Variants in HHIPL2 observed in about 807,000 individuals in gnomAD.
HHIPL2 encodes HHIP-like protein 2.
HHIPL2 carries 61 observed loss-of-function variants against 61.0 expected under a neutral mutation model. The ratio of observed to expected loss-of-function variants is 1.00; its 90% CI spans 0.81 to 1.24. The LOEUF (loss-of-function observed/expected upper bound fraction) is 1.24, where lower values mean the gene tolerates loss of function less well. HHIPL2 is among the 50% of genes most tolerant of loss of function. The pLI is 0.00. For missense variants in HHIPL2, 885 were observed against 910.2 expected (o/e 0.97, Z 0.36); for synonymous variants, 343 against 357.4 (o/e 0.96, Z 0.45).
At chr1:222,525,887 G>T (rs367899505) in intron 7 of HHIPL2, among the ~76,000 whole-genome samples, 2 of 151,910 alleles carry the variant, frequency 1.3e-5, no homozygotes, top group African/African-American at 4.8e-5. Context: ...TAATGCCAGC[G>T]ACTTGGGAGG....
At chr1:222,526,154 G>C (rs989160455) in intron 7 of HHIPL2, among the ~76,000 whole-genome samples, 1 of 152,140 alleles carries the variant, frequency 6.6e-6, no homozygotes, top group African/African-American at 2.4e-5. Flanking sequence ...TTTTGCCTGT[G>C]CTGGTGGAGG....
At chr1:222,538,260 A>ACTTCTTTTTG (rs1358256295) in intron 5 of HHIPL2, among the ~76,000 whole-genome samples, 1 of 122,846 alleles carries the variant, frequency 8.1e-6, no homozygotes, top group Non-Finnish European at 1.8e-5. Flanking sequence ...ATGTATGTCA[A>ACTTCTTTTTG]CTTCTTTTTG....
At chr1:222,532,507 G>C (rs756434454) in intron 5 of HHIPL2, among the ~76,000 whole-genome samples, 1 of 151,998 alleles carries the variant, frequency 6.6e-6, no homozygotes, top group Non-Finnish European at 1.5e-5. Context: ...CCAGCTACTC[G>C]GGAGGCTGAG....
intron 4 of HHIPL2, 110 bp from the exon 5 acceptor site, chr1:222,538,884 T>C (rs1659364658): frequency 9.1e-7 from 1 of 1,092,986 alleles, no homozygotes; most frequent in Admixed American, 2.3e-5. Context: ...AAGAACACTT[T>C]ACCTCTTGGT....
At position 222,544,236 on chromosome 1, in the gene HHIPL2, C is replaced by A. The variant is rs541510300; in HGVS notation, c.322-47G>T. 1.7e-5 allele frequency: 27 copies of A among 1,548,840 alleles called. No individual in the cohort carries two copies. The African/African-American group carries it at 2.3e-4, about 13-fold the overall frequency. On this transcript the variant is annotated intron_variant, in intron 1 of 8. Transcript: ENST00000343410. The stretch of plus-strand genomic sequence containing the variant: ...AGGCTCAGCATCAGACCTGCCACAC[C>A]GGCACTTGTCTCAAGTTTTGAGCAA...
chr1:222,538,246 G>GTGTA (rs1558130133), intron 5 of HHIPL2, among the ~76,000 whole-genome samples: 2 of 125,740 alleles, frequency 1.6e-5, no homozygotes, highest in Admixed American at 1.6e-4. Context: ...GTGTGTGTGT[G>GTGTA]TGTATGTATG....
At chr1:222,545,342 G>A (rs1334222400) in intron 1 of HHIPL2, among the ~76,000 whole-genome samples, 2 of 152,172 alleles carry the variant, frequency 1.3e-5, no homozygotes, top group Non-Finnish European at 2.9e-5. Context: ...GTATATGTGA[G>A]TTCCCTGTTC....
intron 5 of HHIPL2, among the ~76,000 whole-genome samples, chr1:222,537,920 A>T (rs1266133746): frequency 6.6e-6 from 1 of 152,262 alleles, no homozygotes; most frequent in Admixed American, 6.5e-5. Flanking sequence ...TAGCCATGTT[A>T]TTCACAATAT....
intron 3 of HHIPL2, 32 bp from the exon 4 acceptor site, chr1:222,540,373 G>A (rs1413056933): frequency 6.4e-7 from 1 of 1,558,830 alleles, no homozygotes; most frequent in East Asian, 2.3e-5. Context: ...AGCAGAATGA[G>A]GTAAGCAAGG....
chr1:222,547,971 A>G lies in HHIPL2; in HGVS notation c.74T>C (p.Leu25Pro). Reference sequence around the variant, plus strand: ...CAACAAGAATATGAGGCAGAGGCAGAGAATGCCAGAAGAGAGCCAGGGGGC... The same window carrying G: ...CAACAAGAATATGAGGCAGAGGCAGGGAATGCCAGAAGAGAGCCAGGGGGC... ...CRAPWLSSGILCLCLIFLLGQ... is the reference protein window; with the variant it reads ...CRAPWLSSGIPCLCLIFLLGQ... The change falls in exon 1 of 9, where the codon CTC (leucine) becomes CCC (proline). Residue 25 changes from leucine to proline, a missense_variant. Transcript: ENST00000343410. The G allele has an allele frequency of 6.2e-7, 1 of 1,611,696 alleles. No homozygotes were observed. The highest frequency in any genetic ancestry group is 8.5e-7 in the Non-Finnish European group (1 of 1,178,310).
In HHIPL2 at chr1:222,540,015, G is replaced by A. The variant is rs1659394432; in HGVS notation, c.1445C>T (p.Ser482Phe). The change falls in exon 4 of 9, where the codon TCT becomes TTT. Residue 482 changes from serine to phenylalanine, a missense_variant. Ser to Phe is a radical substitution (Grantham distance 155, BLOSUM62 -2). Transcript: ENST00000343410. ...CYDKKLCHNA[S>F]LDDVLPIYAY... ...CCAGAGAGCTTCTTACTTACCCAAA[G>A]AGGCATTGTGACAAAGTTTTTTGTC... 3.7e-6 allele frequency: 6 copies of A among 1,613,162 alleles called. No individual in the cohort carries two copies. The highest frequency in any genetic ancestry group is 3.3e-4 in the Middle Eastern group (2 of 6,060).
At position 222,547,784 on chromosome 1, in the gene HHIPL2, T is replaced by C. The variant is rs771820229; in HGVS notation, c.261A>G (p.Glu87=). 6.2e-7 allele frequency: 1 copy of C among 1,614,190 alleles called. No individual in the cohort carries two copies. Among genetic ancestry groups the C allele is most frequent in the South Asian group, 1.1e-5 (1 of 91,090 alleles). Residue 87 remains glutamate (E), a synonymous_variant, in exon 1 of 9, where the codon GAA becomes GAG. Coordinates refer to ENST00000343410, the MANE Select transcript of HHIPL2 (RefSeq NM_024746.4). The part of the protein sequence containing the change: ...RIAARYWDIM[E]YFDLKRHELC... The stretch of plus-strand genomic sequence containing the variant: ...GCTCATGTCTCTTCAGATCAAAATA[T>C]TCCATGATGTCCCAGTACCGGGCAG...
At chr1:222,529,160 TTTGTC>T (rs1259852894) in intron 6 of HHIPL2, among the ~76,000 whole-genome samples, 2 of 152,106 alleles carry the variant, frequency 1.3e-5, no homozygotes, top group Admixed American at 1.3e-4. Context: ...GAGACCAGCG[TTTGTC>T]TTGTGCTAAG....
Position 222,547,715 on chromosome 1 carries a change from T to A in HHIPL2, c.321+9A>T. 1 of 1,607,736 alleles carries A rather than the reference T, an allele frequency of 6.2e-7. No homozygotes were observed. The highest frequency in any genetic ancestry group is 8.5e-7 in the Non-Finnish European group (1 of 1,174,878). ...CAAACCCCTGGGGCTGGAAGGCACT[T>A]TTCACTACCTGGCAAAGGATGTCTT... On this transcript the variant is annotated intron_variant, in intron 1 of 8. Transcript: ENST00000343410.
At chr1:222,541,892 G>T in intron 3 of HHIPL2, 120 bp downstream of exon 3, 3 of 991,292 alleles carry the variant, frequency 3.0e-6, no homozygotes, top group South Asian at 2.1e-5. Flanking sequence ...TCCTCCCATT[G>T]CCTCAGTGGA....
At chr1:222,524,820 G>C (rs1659025429) in intron 7 of HHIPL2, 1 of 152,196 alleles carries the variant, frequency 6.6e-6, no homozygotes, top group Non-Finnish European at 1.5e-5. Context: ...GCTTTAAAAA[G>C]TCTATATGAT....
Position 222,547,995 on chromosome 1 carries a change from G to A in HHIPL2, c.50C>T (p.Ala17Val), listed in dbSNP as rs953754351. ...GAGAATGCCAGAAGAGAGCCAGGGGGCCCGGCAATGCAGACCACCACACAG... is the reference window on the plus strand; with the variant it reads ...GAGAATGCCAGAAGAGAGCCAGGGGACCCGGCAATGCAGACCACCACACAG... The part of the protein sequence containing the change: ...PNLCGGLHCR[A>V]PWLSSGILCL... Residue 17 changes from alanine (A) to valine (V), a missense_variant, in exon 1 of 9, where the codon GCC (alanine) becomes GTC (valine). By Grantham distance (64) the Ala-to-Val change is moderately conservative (BLOSUM62 0). Coordinates refer to ENST00000343410, the MANE Select transcript of HHIPL2 (RefSeq NM_024746.4). The A allele has an allele frequency of 5.0e-6, 8 of 1,604,612 alleles. No homozygotes were observed. The highest frequency in any genetic ancestry group is 1.1e-5 in the South Asian group (1 of 89,814).
At position 222,526,982 on chromosome 1, in the gene HHIPL2, C is replaced by T; in HGVS notation, c.1792G>A (p.Val598Ile). 6.2e-7 allele frequency: 1 copy of T among 1,613,276 alleles called. No homozygotes were observed. The highest frequency in any genetic ancestry group is 8.5e-7 in the Non-Finnish European group (1 of 1,179,640). ...YAPRGSIYKF[V>I]DPSRRAPPGK... is the part of the protein sequence containing the mutation. The stretch of plus-strand genomic sequence containing the variant: ...ATCAAATCTCACCTTGAGGGGTCAA[C>T]AAACTTGTAAATAGATCCACGTGGT... Residue 598 changes from valine to isoleucine, a missense_variant, in exon 7 of 9, where the codon GTT (valine) becomes ATT (isoleucine). Transcript: ENST00000343410.
chr1:222,547,249 C>T lies in HHIPL2; in HGVS notation c.321+475G>A, dbSNP rs554768330. 7.4e-4 allele frequency among the ~76,000 whole-genome samples: 113 copies of T among 152,286 alleles called. 1 individual carries two copies. Among genetic ancestry groups the T allele is most frequent in the Admixed American group, 2.5e-3 (39 of 15,300 alleles). On this transcript the variant is annotated intron_variant, in intron 1 of 8. Coordinates refer to ENST00000343410, the MANE Select transcript of HHIPL2 (RefSeq NM_024746.4). ...GGAGAGAGTCTCCAACCCCTGCCAC[C>T]GCCAGGGTGACGCCAGAGATGCCCT...
Sources: allele counts gnomAD v4.1 joint callset (sites outside exome capture counted in the v4.1 genomes callset), GRCh38; gene constraint gnomAD v4.1.1; transcripts MANE v1.5; gene names NCBI Gene and HGNC (gene_info 2026-07-23, HGNC 2026-07-21).